PWWP3A: variants seen among roughly 807,000 people sequenced by gnomAD.
PWWP3A encodes the protein PWWP domain containing 3A, DNA repair factor.
In PWWP3A, 53 loss-of-function variants were observed where a neutral mutation model predicts 79.0. The observed-to-expected ratio is 0.67, with a 90% CI of 0.54 to 0.84. The LOEUF is 0.84. Ranked by LOEUF, PWWP3A falls within the 40% of genes least tolerant of loss-of-function variation. The pLI is 0.00. For missense variants in PWWP3A, 973 were observed against 948.0 expected, an observed-to-expected ratio of 1.03 and a Z score of -0.35; for synonymous variants, 443 against 394.4, an observed-to-expected ratio of 1.12 and a Z score of -1.46.
Position 1,376,649 on chromosome 19 carries a change from G to A in PWWP3A, c.*73G>A, listed in dbSNP as rs753692765. The A allele has an allele frequency of 5.3e-5, 79 of 1,494,500 alleles. No homozygotes were observed. The highest frequency in any genetic ancestry group is 6.9e-5 in the Non-Finnish European group (75 of 1,080,304). The allele number at this position is 1,494,500 out of a possible 1,614,324, so 92.6% of individuals were successfully genotyped here. On this transcript the variant is annotated 3_prime_UTR_variant, in exon 14 of 14. Coordinates refer to ENST00000591337, the MANE Select transcript of PWWP3A (RefSeq NM_001369789.1). ...TCCAGTGTGCATGAGCGTGTCTGAA[G>A]ATGGGGGGCTCAGGGGGCACGTTTG...
intron 4 of PWWP3A, chr19:1,359,023 G>C (rs377504614): frequency 1.7e-5 from 5 of 298,198 alleles, no homozygotes; most frequent in Non-Finnish European, 3.4e-5. Flanking sequence ...CCATCCATCC[G>C]GGTGCGCTTT....
At chr19:1,355,351 G>A (rs72981673) in intron 1 of PWWP3A, among the ~76,000 whole-genome samples, 14,446 of 151,346 alleles carry the variant, frequency 0.095, 731 homozygotes, top group South Asian at 0.15. Flanking sequence ...CCTGCCGCCC[G>A]GACCCCATCT....
chr19:1,357,592 A>T (rs1262739476), intron 3 of PWWP3A: 1 of 153,814 alleles, frequency 6.5e-6, no homozygotes, highest in Non-Finnish European at 1.4e-5. Flanking sequence ...ACTGATGACC[A>T]GGCGGCACAT....
chr19:1,374,796 C>T (rs2144770800), intron 13 of PWWP3A, among the ~76,000 whole-genome samples: 2 of 152,216 alleles, frequency 1.3e-5, no homozygotes, highest in South Asian at 4.1e-4. Context: ...AATCCCAGCA[C>T]TTTGAGAGGC....
intron 5 of PWWP3A, chr19:1,362,005 G>T (rs547544579): frequency 5.8e-6 from 2 of 343,492 alleles, no homozygotes; most frequent in Non-Finnish European, 1.1e-5. Context: ...CTTACGGCCC[G>T]CCTTCCCTTC....
At position 1,356,455 on chromosome 19, in the gene PWWP3A, A is replaced by G; in HGVS notation, c.57+6A>G. The G allele has an allele frequency of 6.2e-7, 1 of 1,614,026 alleles. No individual in the cohort carries two copies. Among genetic ancestry groups the G allele is most frequent in the African/African-American group, 1.3e-5 (1 of 75,056 alleles). ...AGCGATTATGGCCTGCGAAGGTGACAGCCATTATTCTGTAACTTCAGGACT... is the reference window on the plus strand; with the variant it reads ...AGCGATTATGGCCTGCGAAGGTGACGGCCATTATTCTGTAACTTCAGGACT... On this transcript the variant is annotated splice_donor_region_variant and intron_variant, in intron 2 of 13. Coordinates refer to ENST00000591337, the MANE Select transcript of PWWP3A (RefSeq NM_001369789.1).
intron 13 of PWWP3A, among the ~76,000 whole-genome samples, chr19:1,376,199 C>G (rs4619519): frequency 0.4 from 58,679 of 147,610 alleles, 12,633 homozygotes; most frequent in Middle Eastern, 0.54. Context: ...GATCTTGGCT[C>G]ACTGCAAGCA....
chr19:1,358,675 A>G, intron 4 of PWWP3A: 1 of 1,525,918 alleles, frequency 6.6e-7, no homozygotes, highest in Non-Finnish European at 8.8e-7. Flanking sequence ...AACCACTCCT[A>G]TTCTTGACGC....
chr19:1,363,198 CTTG>C lies in PWWP3A; in HGVS notation c.1213+850_1213+852del, dbSNP rs369099896. On this transcript the variant is annotated intron_variant, in intron 6 of 13. Transcript: ENST00000591337. The stretch of plus-strand genomic sequence containing the variant: ...CCACGCACACTTGCGTGCCGGTGGC[CTTG>C]TTATGTCGTTCTTTTTTTGTCTACA... 1.4e-4 allele frequency among the ~76,000 whole-genome samples: 21 copies of C among 152,352 alleles called. No individual in the cohort carries two copies. The South Asian group carries it at 4.3e-3, about 32-fold the overall frequency.
rs199643533 is a variant in PWWP3A, at chr19:1,373,195, C to T, written c.2075+35C>T. 3.7e-5 allele frequency: 58 copies of T among 1,580,372 alleles called. No individual in the cohort carries two copies. The South Asian group carries it at 5.7e-4, about 16-fold the overall frequency. ...TCCCGGCGCTATCTCCAGCCACTTG[C>T]GTCTCTGCCTTGCAGTTTCTATTTC... is the stretch of plus-strand genomic sequence containing the variant. On this transcript the variant is annotated intron_variant, in intron 13 of 13. Coordinates refer to ENST00000591337, the MANE Select transcript of PWWP3A (RefSeq NM_001369789.1).
intron 1 of PWWP3A, among the ~76,000 whole-genome samples, chr19:1,355,564 C>T (rs1325361206): frequency 1.4e-5 from 2 of 144,852 alleles, no homozygotes; most frequent in African/African-American, 2.6e-5. Context: ...TTCTTGCTCC[C>T]TGAGCCCCCC....
rs1388165136 is a variant in PWWP3A at position 1,360,906 on chromosome 19, C to T, written c.985C>T (p.Pro329Ser). 3 of 1,540,164 alleles carry T rather than the reference C, an allele frequency of 1.9e-6. No homozygotes were observed. The highest frequency in any genetic ancestry group is 2.6e-6 in the Non-Finnish European group (3 of 1,142,364). ...AGCAGGGGCCGCACCATCCCCCGGG[C>T]CGGGGCCAGGGCCCAGAGAGTCTGT... The part of the protein sequence containing the change: ...MAAGAAPSPG[P>S]GPGPRESVTP... The change falls in exon 5 of 14, where the codon CCG becomes TCG. Residue 329 changes from proline (P) to serine (S), a missense_variant. By Grantham distance (74) the Pro-to-Ser change is moderately conservative. Transcript: ENST00000591337. This position sits in a 1 kb window ranked among gnomAD's most constrained non-coding sequence, Gnocchi z 4.4.
intron 13 of PWWP3A, among the ~76,000 whole-genome samples, chr19:1,375,638 T>C (rs894496652): frequency 3.0e-4 from 2 of 6,568 alleles, no homozygotes; most frequent in African/African-American, 1.4e-3. Flanking sequence ...TTATATATTA[T>C]ATAATATATA....
At chr19:1,376,053 C>T (rs2082384860) in intron 13 of PWWP3A, among the ~76,000 whole-genome samples, 1 of 150,896 alleles carries the variant, frequency 6.6e-6, no homozygotes, top group Admixed American at 6.6e-5. Context: ...TCGTGATCCA[C>T]CCACCTCGGC....
intron 6 of PWWP3A, 75 bp from the exon 7 acceptor site, chr19:1,364,434 G>T (rs997459003): frequency 4.5e-6 from 5 of 1,112,706 alleles, no homozygotes; most frequent in Non-Finnish European, 5.3e-6. Flanking sequence ...TTCTCAGGCT[G>T]TTACACCTGG....
At position 1,368,010 on chromosome 19, in the gene PWWP3A, C is replaced by T. The variant is rs2082165528; in HGVS notation, c.1422+790C>T. ...TGCGATCTCAGCTCACTGCAACCTCCACCTCCTGGGTTCATGCGATTCTGC... is the reference window on the plus strand; with the variant it reads ...TGCGATCTCAGCTCACTGCAACCTCTACCTCCTGGGTTCATGCGATTCTGC... On this transcript the variant is annotated intron_variant, in intron 9 of 13. Transcript: ENST00000591337. The surrounding 1 kb of genome is among the most constrained non-coding windows in gnomAD (Gnocchi z 4.7). Among the ~76,000 whole-genome samples the T allele has an allele frequency of 6.6e-6, 1 of 152,162 alleles. No individual in the cohort carries two copies. Among genetic ancestry groups the T allele is most frequent in the African/African-American group, 2.4e-5 (1 of 41,446 alleles).
In PWWP3A at chr19:1,360,215, GA is replaced by G. The variant is rs1568930376; in HGVS notation, c.295del (p.Ser99AlafsTer131). The G allele has an allele frequency of 6.2e-7, 1 of 1,613,626 alleles. No individual in the cohort carries two copies. Among genetic ancestry groups the G allele is most frequent in the Admixed American group, 1.7e-5 (1 of 59,910 alleles). ...CGCTTCGCGTGGCTCTGGACGTTCT[GA>G]GCGAGGGCTCGATTTGGAGTCAAGA... The part of the protein sequence containing the change: ...RSLRVALDVL[S>X]EGSIWSQESS... On this transcript the variant is annotated frameshift_variant, in exon 5 of 14. Transcript: ENST00000591337. LOFTEE classifies it high-confidence loss of function. The surrounding 1 kb of genome is among the most constrained non-coding windows in gnomAD (Gnocchi z 4.4).
intron 13 of PWWP3A, among the ~76,000 whole-genome samples, chr19:1,375,652 G>A (rs1327659260): frequency 1.3e-5 from 1 of 79,100 alleles, no homozygotes; most frequent in Non-Finnish European, 2.5e-5. Flanking sequence ...ATATATAATT[G>A]TATATATTAT....
intron 8 of PWWP3A, 100 bp from the exon 9 acceptor site, chr19:1,367,060 C>T: frequency 1.1e-6 from 1 of 898,330 alleles, no homozygotes; most frequent in Non-Finnish European, 1.7e-6. Context: ...CTGGTGGGGC[C>T]TCCAGCGGCC....
Sources: allele counts gnomAD v4.1 joint callset (sites outside exome capture counted in the v4.1 genomes callset), GRCh38; gene constraint gnomAD v4.1.1; non-coding constraint Gnocchi (gnomAD v3.1); transcripts MANE v1.5; gene names NCBI Gene and HGNC (gene_info 2026-07-23, HGNC 2026-07-21).